Variants in NBAS observed in about 807,000 individuals in gnomAD.
NBAS encodes the protein NBAS subunit of NRZ tethering complex.
In NBAS, 219 loss-of-function variants were observed where a neutral mutation model predicts 302.5. That is an observed-to-expected ratio of 0.72 (90% CI 0.65 to 0.81). The LOEUF (loss-of-function observed/expected upper bound fraction) is 0.81, where lower values mean the gene tolerates loss of function less well. Among genes scored for constraint, NBAS ranks in the 30% least tolerant of loss-of-function variants. NBAS has a pLI of 0.00. For synonymous variants in NBAS, 1,118 were observed against 1,021.6 expected, an observed-to-expected ratio of 1.09 and a Z score of -1.80; for missense variants, 2,932 against 2,841.6, an observed-to-expected ratio of 1.03 and a Z score of -0.72.
rs369792857 is a variant in NBAS, at chr2:15,239,322, CTA to C, written c.5725-638_5725-637del. Among the ~76,000 whole-genome samples, 7 of 148,674 alleles carry C rather than the reference CTA, an allele frequency of 4.7e-5. No homozygotes were observed. The South Asian group carries it at 1.5e-3, about 32-fold the overall frequency. ...ACAATATATGTATTTTATGTATTTT[CTA>C]TTTTATGTGTGTGTGTATGTGTGCA... On this transcript the variant is annotated intron_variant, in intron 44 of 51. Transcript: ENST00000281513.
intron 32 of NBAS, among the ~76,000 whole-genome samples, chr2:15,365,619 TC>T (rs1412643320): frequency 5.9e-5 from 9 of 152,170 alleles, no homozygotes; most frequent in Non-Finnish European, 1.3e-4. Flanking sequence ...CACACTGCCA[TC>T]ACATTGGCAG....
At chr2:15,101,048 G>A in the NBAS span, among the ~76,000 whole-genome samples, 1 of 152,312 alleles carries the variant, frequency 6.6e-6, no homozygotes, top group Admixed American at 6.5e-5. Context: ...ATTGGTGAAT[G>A]GCATTGAAAA....
intron 45 of NBAS, among the ~76,000 whole-genome samples, chr2:15,237,288 G>A (rs1199020203): frequency 1.3e-5 from 2 of 151,942 alleles, no homozygotes; most frequent in Non-Finnish European, 2.9e-5. Flanking sequence ...TGGTTTCATT[G>A]TATAGTCCTA....
At position 15,374,603 on chromosome 2, in the gene NBAS, C is replaced by A. The variant is rs753569695; in HGVS notation, c.3703+5G>T. ...TAACAATGCAACAGTAAGTAGAAAA[C>A]TCACCTTGCAAAGGCAGGATCTTTA... On this transcript the variant is annotated splice_donor_5th_base_variant and intron_variant, in intron 31 of 51. Coordinates refer to ENST00000281513, the MANE Select transcript of NBAS (RefSeq NM_015909.4). 22 of 1,608,224 alleles carry A rather than the reference C, an allele frequency of 1.4e-5. No homozygotes were observed. The Admixed American group carries it at 3.3e-4, about 24-fold the overall frequency.
chr2:15,111,879 A>T, the NBAS span, among the ~76,000 whole-genome samples: 1 of 147,878 alleles, frequency 6.8e-6, no homozygotes, highest in Non-Finnish European at 1.5e-5. Context: ...TATTATATTT[A>T]ATTATATTAA....
At chr2:14,834,519 C>T in the NBAS span, among the ~76,000 whole-genome samples, 2 of 152,136 alleles carry the variant, frequency 1.3e-5, no homozygotes, top group African/African-American at 4.8e-5. Context: ...CCTACTCTAT[C>T]ATATTCCCTG....
chr2:14,912,701 TTTAAAAAAAA>T, the NBAS span, among the ~76,000 whole-genome samples: 24 of 73,620 alleles, frequency 3.3e-4, 1 homozygote, highest in Admixed American at 1.1e-4. Flanking sequence ...TGCATTCATT[TTTAAAAAAAA>T]AAAAAAAAAA....
chr2:15,274,067 G>T (rs757929045), intron 44 of NBAS, among the ~76,000 whole-genome samples: 1 of 151,470 alleles, frequency 6.6e-6, no homozygotes. Context: ...GGGACAGAGC[G>T]AGACTCCGTC....
chr2:15,013,587 C>G, the NBAS span, among the ~76,000 whole-genome samples: 3 of 152,084 alleles, frequency 2.0e-5, no homozygotes, highest in Admixed American at 1.3e-4. Context: ...AGTTCAAGAT[C>G]AGTCTAGCCA....
intron 44 of NBAS, among the ~76,000 whole-genome samples, chr2:15,248,053 G>A (rs1177003949): frequency 2.0e-5 from 3 of 152,174 alleles, no homozygotes; most frequent in Admixed American, 6.5e-5. Context: ...ATAATTGGAA[G>A]TAAAACAGTC....
Position 15,213,800 on chromosome 2 carries a change from C to G in NBAS, c.6432+4973G>C, listed in dbSNP as rs1487688517. Among the ~76,000 whole-genome samples, 6 of 152,164 alleles carry G rather than the reference C, an allele frequency of 3.9e-5. No homozygotes were observed. In the East Asian group the frequency reaches 9.6e-4, roughly 24 times the overall value. On this transcript the variant is annotated intron_variant, in intron 48 of 51. Coordinates refer to ENST00000281513, the MANE Select transcript of NBAS (RefSeq NM_015909.4). ...TATTTAAAGCAAGGAACACATTGTTCATAAAGAGAAACTCTCAACATCTCC... is the reference window on the plus strand; with the variant it reads ...TATTTAAAGCAAGGAACACATTGTTGATAAAGAGAAACTCTCAACATCTCC...
the NBAS span, among the ~76,000 whole-genome samples, chr2:14,861,578 A>G: frequency 6.6e-6 from 1 of 152,262 alleles, no homozygotes; most frequent in East Asian, 1.9e-4. Flanking sequence ...TGCACTGAGC[A>G]GACATAGCTC....
the NBAS span, among the ~76,000 whole-genome samples, chr2:14,968,254 C>T: frequency 6.6e-6 from 1 of 152,182 alleles, no homozygotes; most frequent in African/African-American, 2.4e-5. Context: ...ATAAAGAACT[C>T]TTACAATTCA....
chr2:15,294,957 T>C (rs1670479628), intron 40 of NBAS, among the ~76,000 whole-genome samples: 1 of 152,244 alleles, frequency 6.6e-6, no homozygotes, highest in South Asian at 2.1e-4. Context: ...AACCTATCTC[T>C]GCGTATAACT....
intron 25 of NBAS, among the ~76,000 whole-genome samples, chr2:15,405,719 G>A (rs1240297877): frequency 2.0e-5 from 3 of 152,062 alleles, no homozygotes; most frequent in African/African-American, 4.8e-5. Flanking sequence ...AAAGAATCAA[G>A]CAATCAAATC....
chr2:15,553,398 C>A, intron 5 of NBAS, 28 bp downstream of exon 5: 1 of 1,574,068 alleles, frequency 6.4e-7, no homozygotes, highest in Non-Finnish European at 8.7e-7. Context: ...CAAAGGAAAT[C>A]TTGAATATGA....
At chr2:15,053,875 C>T in the NBAS span, among the ~76,000 whole-genome samples, 74,724 of 151,394 alleles carry the variant, frequency 0.49, 20,725 homozygotes, top group African/African-American at 0.77. Context: ...AGAGTAGGCA[C>T]CTCTTCTTTC....
chr2:14,821,006 C>T, the NBAS span, among the ~76,000 whole-genome samples: 161 of 151,980 alleles, frequency 1.1e-3, no homozygotes, highest in African/African-American at 3.0e-3. Flanking sequence ...CTTGGCTCAC[C>T]GCAAGCTCCG....
chr2:14,884,387 C>T, the NBAS span, among the ~76,000 whole-genome samples: 12 of 152,128 alleles, frequency 7.9e-5, no homozygotes, highest in East Asian at 1.2e-3. Context: ...AATTCATGTG[C>T]GTGACTTTTC....
Sources: gnomAD v4.1 joint callset for allele counts (sites outside exome capture counted in the v4.1 genomes callset) on GRCh38, gnomAD v4.1.1 for gene constraint, MANE v1.5 for transcripts, NCBI Gene and HGNC (gene_info 2026-07-23, HGNC 2026-07-21) for gene names.